Variants in CNTN1 observed in about 807,000 individuals in gnomAD.
The protein encoded by CNTN1 is contactin-1.
CNTN1 carries 38 observed loss-of-function variants against 126.4 expected under a neutral mutation model. The ratio of observed to expected loss-of-function variants is 0.30; its 90% CI spans 0.23 to 0.39. The LOEUF is 0.39. CNTN1 is among the 10% of genes least tolerant of loss of function. The pLI, the probability that CNTN1 is intolerant of heterozygous loss-of-function variation, is 1.00. For synonymous variants in CNTN1, 413 were observed against 422.6 expected (o/e 0.98, Z 0.28); for missense variants, 1,009 against 1,248.4 (o/e 0.81, Z 2.89).
chr12:40,718,095 A>G (rs556542196), intron 1 of CNTN1, among the ~76,000 whole-genome samples: 1 of 152,302 alleles, frequency 6.6e-6, no homozygotes, highest in Admixed American at 6.5e-5. Context: ...TTCTTAAAGT[A>G]ATGTGCATTC....
intron 1 of CNTN1, among the ~76,000 whole-genome samples, chr12:40,797,989 T>C (rs1278909811): frequency 6.6e-6 from 1 of 151,992 alleles, no homozygotes; most frequent in African/African-American, 2.4e-5. Context: ...GAGTGTAATA[T>C]AAAATACATA....
intron 23 of CNTN1, among the ~76,000 whole-genome samples, chr12:41,029,638 C>T (rs898232437): frequency 6.6e-6 from 1 of 152,010 alleles, no homozygotes; most frequent in African/African-American, 2.4e-5. Flanking sequence ...ATTAAAATGG[C>T]ATAATTTATT....
chr12:40,993,237 T>C lies in CNTN1; in HGVS notation c.2081T>C (p.Ile694Thr), dbSNP rs144933003. The C allele has an allele frequency of 1.6e-4, 257 of 1,613,878 alleles. 3 individuals are homozygous for C. In the South Asian group the frequency reaches 1.7e-3, roughly 11 times the overall value. Residue 694 changes from isoleucine (I) to threonine (T), a missense_variant, in exon 17 of 24, where the codon ATA becomes ACA. Physicochemically the swap from Ile to Thr is moderately conservative, Grantham distance 89. Transcript: ENST00000551295. ...TNTLGRGEPS[I>T]PSNRIKTDGA... ...ACACTGGGTAGAGGAGAGCCCAGTA[T>C]ACCATCTAACAGAATTAAAACAGAC...
intron 15 of CNTN1, among the ~76,000 whole-genome samples, chr12:40,961,239 G>A (rs1947097595): frequency 6.6e-6 from 1 of 151,908 alleles, no homozygotes; most frequent in Non-Finnish European, 1.5e-5. Context: ...AAAGTCAGCA[G>A]AGTCATAACC....
At chr12:40,706,193 T>C (rs1941736209) in intron 1 of CNTN1, among the ~76,000 whole-genome samples, 1 of 152,010 alleles carries the variant, frequency 6.6e-6, no homozygotes, top group South Asian at 2.1e-4. Context: ...TGTATACATG[T>C]GCCATGTTGG....
chr12:41,067,074 A>G (rs1174578049), intron 23 of CNTN1, among the ~76,000 whole-genome samples: 3 of 152,222 alleles, frequency 2.0e-5, no homozygotes, highest in African/African-American at 7.2e-5. Context: ...ATATATATTG[A>G]AAAACTCCTC....
chr12:40,907,869 C>T (rs1555177736), intron 1 of CNTN1, among the ~76,000 whole-genome samples: 1 of 152,212 alleles, frequency 6.6e-6, no homozygotes, highest in Non-Finnish European at 1.5e-5. Context: ...AAAATGCTAA[C>T]ATCATCACCC....
rs894055855 is a variant in CNTN1 at position 40,968,397 on chromosome 12, A to AT, written c.1804+9172dup. On this transcript the variant is annotated intron_variant, in intron 15 of 23. Coordinates refer to ENST00000551295, the MANE Select transcript of CNTN1 (RefSeq NM_001843.4). ...TATTACAAGGGAAACTATAGTAGTT[A>AT]TTTTTTTTTCAGCTACTCAACTTTA... Among the ~76,000 whole-genome samples the AT allele has an allele frequency of 3.8e-4, 58 of 151,246 alleles. No homozygotes were observed. The East Asian group carries it at 6.4e-3, about 17-fold the overall frequency.
intron 1 of CNTN1, chr12:40,729,980 C>T (rs372897389): frequency 1.3e-5 from 2 of 152,260 alleles, no homozygotes; most frequent in South Asian, 2.1e-4. Flanking sequence ...AGGAAGGGGA[C>T]ATTTTTTATC....
chr12:40,910,209 T>A, intron 3 of CNTN1, 104 bp downstream of exon 3: 1 of 899,624 alleles, frequency 1.1e-6, no homozygotes, highest in Non-Finnish European at 1.8e-6. Context: ...GGCAAATGGT[T>A]AATGTTAGAT....
At chr12:40,709,724 A>G (rs1816855) in intron 1 of CNTN1, among the ~76,000 whole-genome samples, 99,684 of 152,096 alleles carry the variant, frequency 0.66, 33,007 homozygotes, top group East Asian at 0.86. Flanking sequence ...TATGGAGATG[A>G]CTTCTTTCCT....
At chr12:40,938,553 C>T (rs1205597439) in intron 11 of CNTN1, among the ~76,000 whole-genome samples, 1 of 152,128 alleles carries the variant, frequency 6.6e-6, no homozygotes, top group Admixed American at 6.6e-5. Context: ...GTACCTTTGC[C>T]AAATTAAATA....
At chr12:40,896,204 C>T (rs1418900607) in intron 1 of CNTN1, 1 of 152,142 alleles carries the variant, frequency 6.6e-6, no homozygotes, top group African/African-American at 2.4e-5. Context: ...CTGACACATG[C>T]TTACACTTAT....
rs976628811 is a variant in CNTN1, at chr12:41,070,092, G to A, written c.*57G>A. On this transcript the variant is annotated 3_prime_UTR_variant, in exon 24 of 24. Coordinates refer to ENST00000551295, the MANE Select transcript of CNTN1 (RefSeq NM_001843.4). ...GCTCAGAAGACACCCTTCAACCCTG[G>A]GATGACCACAATTCCTTCCAATTTC... 89 of 1,466,858 alleles carry A rather than the reference G, an allele frequency of 6.1e-5. 1 individual carries two copies. In the South Asian group the frequency reaches 9.9e-4, roughly 16 times the overall value. 90.9% of individuals were successfully genotyped at this position (1,466,858 alleles called of 1,614,324 possible). A position where few individuals can be genotyped will look rare whatever the true frequency, so the allele number is the denominator to read the frequency against.
intron 1 of CNTN1, among the ~76,000 whole-genome samples, chr12:40,892,207 A>AT (rs1944261091): frequency 6.6e-6 from 1 of 152,094 alleles, no homozygotes. Flanking sequence ...CTGAAGGTGA[A>AT]TGATGTATAG....
In CNTN1 at chr12:40,933,616, T is replaced by C. The variant is rs572715662; in HGVS notation, c.803+56T>C. On this transcript the variant is annotated intron_variant, in intron 8 of 23. Transcript: ENST00000551295. ...ATAGAAATAGTACCATTTTAGGAAA[T>C]AAATAATTGTTTAGCTATAAACATA... 4.5e-5 allele frequency: 69 copies of C among 1,533,772 alleles called. No homozygotes were observed. In the African/African-American group the frequency reaches 8.5e-4, roughly 19 times the overall value.
chr12:40,766,124 G>A (rs1303998884), intron 1 of CNTN1, among the ~76,000 whole-genome samples: 5 of 152,248 alleles, frequency 3.3e-5, no homozygotes, highest in South Asian at 2.1e-4. Flanking sequence ...TTGGGAGGCC[G>A]AGGCCCGCAG....
chr12:40,842,401 A>G (rs1396730016), intron 1 of CNTN1, among the ~76,000 whole-genome samples: 2 of 152,088 alleles, frequency 1.3e-5, no homozygotes, highest in Non-Finnish European at 2.9e-5. Flanking sequence ...AAGAATTGCT[A>G]TGTTCCCAAC....
intron 17 of CNTN1, among the ~76,000 whole-genome samples, chr12:41,008,107 G>A (rs369181124): frequency 6.6e-6 from 1 of 152,180 alleles, no homozygotes; most frequent in Admixed American, 6.5e-5. Context: ...AAGGGGCATT[G>A]TGTGGGGAAC....
Sources: allele counts gnomAD v4.1 joint callset (sites outside exome capture counted in the v4.1 genomes callset), GRCh38; gene constraint gnomAD v4.1.1; transcripts MANE v1.5; gene names NCBI Gene and HGNC (gene_info 2026-07-23, HGNC 2026-07-21).